Variants in VPS13A observed in about 807,000 individuals in gnomAD.
VPS13A encodes the protein vacuolar protein sorting 13 homolog A.
Under a neutral mutation model 390.9 loss-of-function variants are expected in VPS13A, and 264 were observed. The observed-to-expected ratio is 0.68, with a 90% CI of 0.61 to 0.75. VPS13A has a LOEUF of 0.75. Among genes scored for constraint, VPS13A ranks in the 30% least tolerant of loss-of-function variants. The pLI is 0.00. For missense variants in VPS13A, 3,409 were observed against 3,733.9 expected, an observed-to-expected ratio of 0.91 and a Z score of 2.27; for synonymous variants, 1,231 against 1,227.1, an observed-to-expected ratio of 1.00 and a Z score of -0.07.
intron 46 of VPS13A, among the ~76,000 whole-genome samples, chr9:77,336,802 CTTTT>C (rs1221241397): frequency 9.3e-6 from 1 of 107,988 alleles, no homozygotes; most frequent in African/African-American, 3.4e-5. Flanking sequence ...ATTTATCTAT[CTTTT>C]TTTTTTTTTT....
chr9:77,221,504 C>T, intron 13 of VPS13A, 148 bp downstream of exon 13: 1 of 827,678 alleles, frequency 1.2e-6, no homozygotes, highest in Non-Finnish European at 1.9e-6. Context: ...CTGTTCTTAA[C>T]TTCAGCTGAA....
At position 77,382,074 on chromosome 9, in the gene VPS13A, A is replaced by G. The variant is rs768641511; in HGVS notation, c.9176A>G (p.Asn3059Ser). The change falls in exon 68 of 72, where the codon AAT becomes AGT. Residue 3059 changes from asparagine (N) to serine (S), a missense_variant. Around this residue, in one of 5 missense-constraint regions of VPS13A, gnomAD observed 318 missense variants for 333.7 expected, o/e 0.95. Transcript: ENST00000360280. ...RPYRLRDGTG[N>S]QMLQVMENGR... ...TACAGGTTGAGGGATGGGACTGGAA[A>G]TCAAATGTTACAGGTAAATTAAGAG... 2.8e-5 allele frequency: 45 copies of G among 1,606,664 alleles called. No homozygotes were observed. The highest frequency in any genetic ancestry group is 1.7e-4 in the Middle Eastern group (1 of 6,050).
intron 22 of VPS13A, among the ~76,000 whole-genome samples, chr9:77,254,375 T>C (rs1825325679): frequency 6.6e-6 from 1 of 152,236 alleles, no homozygotes; most frequent in South Asian, 2.1e-4. Context: ...ATTTTTGGGC[T>C]TTCTGTTTTA....
At chr9:77,344,800 A>G (rs1187270492) in intron 51 of VPS13A, among the ~76,000 whole-genome samples, 1 of 152,108 alleles carries the variant, frequency 6.6e-6, no homozygotes, top group Non-Finnish European at 1.5e-5. Context: ...CTGGAATACT[A>G]GAATATACCA....
At position 77,366,730 on chromosome 9, in the gene VPS13A, C is replaced by T; in HGVS notation, c.8329C>T (p.His2777Tyr). Residue 2777 changes from histidine to tyrosine, a missense_variant, in exon 61 of 72, where the codon CAT (histidine) becomes TAT (tyrosine). This residue lies in a region of VPS13A where 123 missense variants were observed against 118.7 expected (regional missense o/e 1.04). Transcript: ENST00000360280. Reference protein sequence around the residue: ...EYFHISPIKLHLSVSLSSGRE... With the variant: ...EYFHISPIKLYLSVSLSSGRE... Reference sequence around the variant, plus strand: ...ATTTATCTCTTTATCTTTTTAGTTACATTTAAGTGTTTCACTGAGTTCCGG... The same window carrying T: ...ATTTATCTCTTTATCTTTTTAGTTATATTTAAGTGTTTCACTGAGTTCCGG... 6.2e-7 allele frequency: 1 copy of T among 1,610,472 alleles called. No individual in the cohort carries two copies. Among genetic ancestry groups the T allele is most frequent in the Non-Finnish European group, 8.5e-7 (1 of 1,177,660 alleles).
rs923458589 is a variant in VPS13A at position 77,370,824 on chromosome 9, C to A, written c.8908-66C>A. 1.8e-5 allele frequency: 29 copies of A among 1,598,570 alleles called. No individual in the cohort carries two copies. The Admixed American group carries it at 2.0e-4, about 11-fold the overall frequency. The stretch of plus-strand genomic sequence containing the variant: ...CAGAACTCTGTATTTTTTGTGTAAT[C>A]CAAACTTGGTTCTTCTAGGCATCAT... On this transcript the variant is annotated intron_variant, in intron 65 of 71. Transcript: ENST00000360280.
rs546209096 is a variant in VPS13A at position 77,360,397 on chromosome 9, A to T, written c.8106-139A>T. 2.0e-4 allele frequency: 125 copies of T among 638,578 alleles called. 1 individual carries two copies. In the African/African-American group the frequency reaches 2.1e-3, roughly 11 times the overall value. 39.6% of individuals were successfully genotyped at this position (638,578 alleles called of 1,614,324 possible). A position where few individuals can be genotyped will look rare whatever the true frequency, so the allele number is the denominator to read the frequency against. ...TTGCTGTTATTAACAGTGTTCCATG[A>T]TTTTTTAAAATTTAGTCAACTAAAT... is the stretch of plus-strand genomic sequence containing the variant. On this transcript the variant is annotated intron_variant, in intron 58 of 71. Transcript: ENST00000360280.
At chr9:77,338,195 C>G (rs1830636010) in intron 47 of VPS13A, 1 of 152,130 alleles carries the variant, frequency 6.6e-6, no homozygotes, top group South Asian at 2.1e-4. Flanking sequence ...TTGTCTTGAA[C>G]TCTTGGGCTC....
At position 77,217,279 on chromosome 9, in the gene VPS13A, C is replaced by G. The variant is rs1337384208; in HGVS notation, c.755-2675C>G. Among the ~76,000 whole-genome samples, 3 of 152,096 alleles carry G rather than the reference C, an allele frequency of 2.0e-5. 1 individual carries two copies. The highest frequency in any genetic ancestry group is 6.6e-5 in the Admixed American group (1 of 15,258). On this transcript the variant is annotated intron_variant, in intron 10 of 71. Transcript: ENST00000360280. The stretch of plus-strand genomic sequence containing the variant: ...TTTCCCAGACCTCCTGAATAAGAAC[C>G]TCTGGAGGTGAAGCTCAGCATTTGA...
At chr9:77,319,511 A>G in intron 41 of VPS13A, 61 bp from the exon 42 acceptor site, 2 of 1,187,050 alleles carry the variant, frequency 1.7e-6, no homozygotes, top group South Asian at 1.3e-5. Context: ...TAACAGGGCT[A>G]AAAAACATGG....
At chr9:77,277,108 G>A (rs1826729692) in intron 26 of VPS13A, among the ~76,000 whole-genome samples, 1 of 152,034 alleles carries the variant, frequency 6.6e-6, no homozygotes, top group Admixed American at 6.6e-5. Flanking sequence ...AATTAGGAGG[G>A]TTGTATTTAT....
In VPS13A at chr9:77,377,840, T is replaced by A. The variant is rs1450394002; in HGVS notation, c.9078-4136T>A. Among the ~76,000 whole-genome samples, 7 of 152,314 alleles carry A rather than the reference T, an allele frequency of 4.6e-5. No homozygotes were observed. The East Asian group carries it at 1.2e-3, about 25-fold the overall frequency. ...GCTTTCAGATGTTCACCATTAAATG[T>A]GATGTTAGCTATAGGTTTTTGTGTC... On this transcript the variant is annotated intron_variant, in intron 67 of 71. Transcript: ENST00000360280.
chr9:77,369,430 G>T lies in VPS13A; in HGVS notation c.8667+18G>T, dbSNP rs1450621665. 2.0e-6 allele frequency: 3 copies of T among 1,491,786 alleles called. No individual in the cohort carries two copies. Among genetic ancestry groups the T allele is most frequent in the Non-Finnish European group, 2.8e-6 (3 of 1,069,106 alleles). 92.4% of individuals were successfully genotyped at this position (1,491,786 alleles called of 1,614,324 possible). A position where few individuals can be genotyped will look rare whatever the true frequency, so the allele number is the denominator to read the frequency against. Reference sequence around the variant, plus strand: ...CTTACCAGGTAAAATAGTTATTTTTGTGGTTGTGCAATATGTCACTAATAC... The same window carrying T: ...CTTACCAGGTAAAATAGTTATTTTTTTGGTTGTGCAATATGTCACTAATAC... On this transcript the variant is annotated intron_variant, in intron 63 of 71. Coordinates refer to ENST00000360280, the MANE Select transcript of VPS13A (RefSeq NM_033305.3).
At chr9:77,408,038 C>T (rs1160079330) in intron 71 of VPS13A, among the ~76,000 whole-genome samples, 3 of 152,094 alleles carry the variant, frequency 2.0e-5, no homozygotes, top group Non-Finnish European at 4.4e-5. Context: ...GAGCCAAGCC[C>T]AACAGAAAAT....
intron 45 of VPS13A, among the ~76,000 whole-genome samples, chr9:77,326,021 TG>T (rs1444148721): frequency 1.3e-5 from 2 of 152,198 alleles, no homozygotes; most frequent in Admixed American, 1.3e-4. Context: ...ATATTTTCAC[TG>T]GGCATAGAAA....
chr9:77,337,175 GTTA>G, intron 46 of VPS13A, 77 bp from the exon 47 acceptor site: 1 of 1,336,400 alleles, frequency 7.5e-7, no homozygotes, highest in South Asian at 1.3e-5. Flanking sequence ...AGGTAAGTTT[GTTA>G]TTCTAAAGCT....
chr9:77,369,466 A>G, intron 63 of VPS13A, 54 bp downstream of exon 63: 4 of 1,150,482 alleles, frequency 3.5e-6, no homozygotes, highest in Non-Finnish European at 5.3e-6. Context: ...TTTTGAATAG[A>G]TAATACTTTT....
At chr9:77,180,361 TTTC>T (rs1467394367) in intron 1 of VPS13A, among the ~76,000 whole-genome samples, 6 of 152,260 alleles carry the variant, frequency 3.9e-5, no homozygotes, top group African/African-American at 9.6e-5. Context: ...AAGGATACAA[TTTC>T]TTCATCAGAT....
intron 57 of VPS13A, 120 bp downstream of exon 57, chr9:77,358,558 T>C (rs1319530270): frequency 2.4e-6 from 2 of 844,414 alleles, no homozygotes; most frequent in East Asian, 5.5e-5. Flanking sequence ...AATTGGAAAA[T>C]TAAACTGCTT....
Sources: allele counts gnomAD v4.1 joint callset (sites outside exome capture counted in the v4.1 genomes callset), GRCh38; gene constraint gnomAD v4.1.1; regional missense constraint gnomAD v4.1.1; transcripts MANE v1.5; gene names NCBI Gene and HGNC (gene_info 2026-07-23, HGNC 2026-07-21).